PARVB: variants seen among roughly 807,000 people sequenced by gnomAD.
The protein encoded by PARVB is parvin beta, also known as beta-parvin.
In PARVB, 46 loss-of-function variants were observed where a neutral mutation model predicts 47.0. The observed-to-expected ratio is 0.98, with a 90% CI of 0.77 to 1.25. The LOEUF (loss-of-function observed/expected upper bound fraction) is 1.25, where lower values mean the gene tolerates loss of function less well. Ranked by LOEUF, PARVB falls within the 50% of genes most tolerant of loss-of-function variation. The probability of loss-of-function intolerance (pLI) is 0.00; values close to 1 mark genes in which losing one functional copy is unlikely to be tolerated. For missense variants in PARVB, 473 were observed against 471.6 expected (o/e 1.00, Z -0.03); for synonymous variants, 196 against 196.3 (o/e 1.00, Z 0.01).
In PARVB at chr22:44,085,866, T is replaced by G. The variant is rs1394370539; in HGVS notation, c.113-8062T>G. On this transcript the variant is annotated intron_variant, in intron 1 of 12. Transcript: ENST00000338758. ...GCAGGCTGTCATGCCCAAGGCTTGC[T>G]GCCATCTGAATAGGACAGGGTTTCA... 3.3e-5 allele frequency among the ~76,000 whole-genome samples: 5 copies of G among 152,370 alleles called. No homozygotes were observed. The East Asian group carries it at 7.7e-4, about 24-fold the overall frequency.
rs139970610 is a variant in PARVB, at chr22:44,102,357, A to C, written c.273+2234A>C. Among the ~76,000 whole-genome samples, 363 of 152,350 alleles carry C rather than the reference A, an allele frequency of 2.4e-3. 4 individuals carry two copies. Among genetic ancestry groups the C allele is most frequent in the East Asian group, 0.024 (123 of 5,192 alleles). On this transcript the variant is annotated intron_variant, in intron 3 of 12. Transcript: ENST00000338758. ...ACCCAGAAACAATGTTTCATTGGCT[A>C]TCTGGGCACCCCAGAGCCCAGGCAA...
At chr22:44,087,285 AG>A (rs2052046283) in intron 1 of PARVB, among the ~76,000 whole-genome samples, 1 of 152,192 alleles carries the variant, frequency 6.6e-6, no homozygotes, top group Non-Finnish European at 1.5e-5. Flanking sequence ...TGGTGTAGAA[AG>A]TCCCCGTAGG....
At chr22:43,999,960 T>C (rs1445993699) in intron 2 of PARVB, among the ~76,000 whole-genome samples, 1 of 151,740 alleles carries the variant, frequency 6.6e-6, no homozygotes, top group Non-Finnish European at 1.5e-5. Flanking sequence ...TGAGCCGTGA[T>C]TGCACCACTG....
At chr22:44,025,249 C>A (rs1389419731) in intron 1 of PARVB, among the ~76,000 whole-genome samples, 1 of 152,016 alleles carries the variant, frequency 6.6e-6, no homozygotes, top group African/African-American at 2.4e-5. Context: ...CGGGAAGGAG[C>A]CCTCCCATAG....
At position 44,139,932 on chromosome 22, in the gene PARVB, C is replaced by A. The variant is rs2053517060; in HGVS notation, c.693-192C>A. The A allele has an allele frequency of 1.2e-4, 45 of 365,010 alleles. 2 individuals are homozygous for A. In the South Asian group the frequency reaches 1.5e-3, roughly 12 times the overall value. The allele number at this position is 365,010 out of a possible 1,614,324, so 22.6% of individuals were successfully genotyped here. A position where few individuals can be genotyped will look rare whatever the true frequency, so the allele number is the denominator to read the frequency against. ...TGCAAACATTAATAATTCACACAAG[C>A]ACCTCTCGTTTATAATTAGAGCAGG... On this transcript the variant is annotated intron_variant, in intron 7 of 12. Coordinates refer to ENST00000338758, the MANE Select transcript of PARVB (RefSeq NM_013327.5).
chr22:44,047,924 G>T (rs1051862304), intron 1 of PARVB, among the ~76,000 whole-genome samples: 8 of 152,178 alleles, frequency 5.3e-5, no homozygotes, highest in Admixed American at 5.2e-4. Context: ...CTCCCCTCCG[G>T]CTCCCCTGAG....
At chr22:44,062,876 G>A (rs879699510) in intron 1 of PARVB, among the ~76,000 whole-genome samples, 8 of 151,840 alleles carry the variant, frequency 5.3e-5, no homozygotes, top group African/African-American at 1.4e-4. Context: ...GGATTTTTAC[G>A]GAGGCTTCAT....
At chr22:44,047,585 C>T (rs2051135824) in intron 1 of PARVB, among the ~76,000 whole-genome samples, 1 of 152,062 alleles carries the variant, frequency 6.6e-6, no homozygotes, top group South Asian at 2.1e-4. Flanking sequence ...CACTTGAACC[C>T]AGGAGGCGGA....
intron 9 of PARVB, chr22:44,150,167 GAAACA>G (rs60712968): frequency 0.43 from 64,588 of 150,032 alleles, 14,928 homozygotes; most frequent in East Asian, 0.97. Context: ...AAAACAAAAC[GAAACA>G]AAACAAAACA....
At chr22:44,035,755 C>T (rs1018364566) in intron 1 of PARVB, among the ~76,000 whole-genome samples, 2 of 151,716 alleles carry the variant, frequency 1.3e-5, no homozygotes, top group African/African-American at 2.4e-5. Flanking sequence ...TACGGTATTG[C>T]ACTAAACATG....
intron 1 of PARVB, among the ~76,000 whole-genome samples, chr22:44,078,104 C>G (rs1308458837): frequency 6.6e-6 from 1 of 152,046 alleles, no homozygotes; most frequent in East Asian, 1.9e-4. Context: ...ATTTGGAGCC[C>G]CAAGCTCACA....
intron 1 of PARVB, among the ~76,000 whole-genome samples, chr22:44,041,155 G>T (rs980441519): frequency 6.6e-6 from 1 of 152,168 alleles, no homozygotes; most frequent in Non-Finnish European, 1.5e-5. Context: ...ATAGACAAAG[G>T]TGGGTGGTGG....
intron 3 of PARVB, chr22:44,106,207 G>C (rs2052565753): frequency 6.7e-6 from 1 of 150,024 alleles, no homozygotes; most frequent in African/African-American, 2.5e-5. Flanking sequence ...GGAGGCTCTG[G>C]GAAGAGGGGG....
At chr22:44,007,205 G>A (rs1443609076) in intron 2 of PARVB, among the ~76,000 whole-genome samples, 1 of 151,850 alleles carries the variant, frequency 6.6e-6, no homozygotes, top group Non-Finnish European at 1.5e-5. Context: ...GTCTAGTGGG[G>A]AAGAACAGGT....
intron 1 of PARVB, among the ~76,000 whole-genome samples, chr22:44,077,922 T>G (rs927313446): frequency 6.6e-6 from 1 of 152,064 alleles, no homozygotes; most frequent in Admixed American, 6.6e-5. Context: ...GGTTTCGAAC[T>G]CCTGACCTCA....
intron 1 of PARVB, among the ~76,000 whole-genome samples, chr22:44,059,535 A>T (rs2051381494): frequency 6.6e-6 from 1 of 152,158 alleles, no homozygotes; most frequent in African/African-American, 2.4e-5. Flanking sequence ...GCCATAAGGT[A>T]AGGAGCAGTT....
intron 11 of PARVB, among the ~76,000 whole-genome samples, chr22:44,163,055 A>G (rs1352091519): frequency 2.6e-5 from 4 of 152,130 alleles, no homozygotes; most frequent in Non-Finnish European, 5.9e-5. Context: ...AGGGCACCCC[A>G]TCCTGCAGAG....
In PARVB at chr22:44,155,917, C is replaced by T. The variant is rs945065089; in HGVS notation, c.844-2065C>T. 2.0e-5 allele frequency among the ~76,000 whole-genome samples: 3 copies of T among 152,050 alleles called. No individual in the cohort carries two copies. The highest frequency in any genetic ancestry group is 4.8e-5 in the African/African-American group (2 of 41,388). ...CCTGCAATCCTAGCACTTTGGGTGG[C>T]CGAGGTGGGTGGATCATGAGGTCAG... On this transcript the variant is annotated intron_variant, in intron 10 of 12. Transcript: ENST00000338758. This position sits in a 1 kb window ranked among gnomAD's most constrained non-coding sequence, Gnocchi z 4.8.
intron 3 of PARVB, among the ~76,000 whole-genome samples, chr22:44,116,565 A>T (rs1372223991): frequency 1.3e-5 from 2 of 152,168 alleles, no homozygotes; most frequent in Non-Finnish European, 2.9e-5. Flanking sequence ...CCACATCCTT[A>T]CAGAGCTCTG....
Sources: allele counts gnomAD v4.1 joint callset (sites outside exome capture counted in the v4.1 genomes callset), GRCh38; gene constraint gnomAD v4.1.1; non-coding constraint Gnocchi (gnomAD v3.1); transcripts MANE v1.5; gene names NCBI Gene and HGNC (gene_info 2026-07-23, HGNC 2026-07-21).